The following ZNF568 variants were observed in gnomAD, a reference collection of about 807,000 sequenced individuals.
ZNF568 encodes the protein zinc finger protein 568.
ZNF568 carries 11 observed loss-of-function variants against 18.1 expected under a neutral mutation model. The ratio of observed to expected loss-of-function variants is 0.61; its 90% CI spans 0.38 to 1.00. ZNF568 has a LOEUF of 1.00. Among genes scored for constraint, ZNF568 ranks in the 50% least tolerant of loss-of-function variants. The pLI, the probability that ZNF568 is intolerant of heterozygous loss-of-function variation, is 0.01. For synonymous variants in ZNF568, 213 were observed against 246.6 expected, an observed-to-expected ratio of 0.86 and a Z score of 1.28; for missense variants, 639 against 768.2, an observed-to-expected ratio of 0.83 and a Z score of 1.99.
intron 6 of ZNF568, among the ~76,000 whole-genome samples, chr19:36,974,192 AGGCTGTTAT>A (rs541207815): frequency 1.2e-3 from 183 of 152,150 alleles, no homozygotes; most frequent in African/African-American, 4.3e-3. Flanking sequence ...TTCCCAAGTT[AGGCTGTTAT>A]GGAGGAAGAG....
chr19:36,925,274 T>G lies in ZNF568; in HGVS notation c.135+16T>G, dbSNP rs1462217008. 8.7e-6 allele frequency: 14 copies of G among 1,612,670 alleles called. No homozygotes were observed. Among genetic ancestry groups the G allele is most frequent in the Non-Finnish European group, 1.2e-5 (14 of 1,178,838 alleles). On this transcript the variant is annotated intron_variant, in intron 4 of 6. Transcript: ENST00000333987. ...CAGGCCTCTTGTACGTCTTAAGCATTTATTTGTTTCCTGCATTATTTTGCA... is the reference window on the plus strand; with the variant it reads ...CAGGCCTCTTGTACGTCTTAAGCATGTATTTGTTTCCTGCATTATTTTGCA...
At chr19:36,943,550 G>A (rs920127043) in intron 6 of ZNF568, among the ~76,000 whole-genome samples, 5 of 151,776 alleles carry the variant, frequency 3.3e-5, no homozygotes, top group African/African-American at 1.2e-4. Context: ...ATATATTATA[G>A]GCATATAAAT....
downstream of ZNF568, among the ~76,000 whole-genome samples, chr19:36,956,180 C>T (rs1164059924): frequency 6.6e-6 from 1 of 152,216 alleles, no homozygotes; most frequent in African/African-American, 2.4e-5. Context: ...ATGCCTCAGA[C>T]TTTTCAAGAT....
intron 6 of ZNF568, among the ~76,000 whole-genome samples, chr19:36,965,498 C>T (rs1036703198): frequency 3.9e-5 from 6 of 152,276 alleles, no homozygotes; most frequent in Non-Finnish European, 8.8e-5. Context: ...ACCAGCTAGC[C>T]ACCTTATAGA....
At chr19:36,933,148 T>TC (rs1344210303) in intron 4 of ZNF568, among the ~76,000 whole-genome samples, 2 of 151,508 alleles carry the variant, frequency 1.3e-5, no homozygotes, top group Admixed American at 1.3e-4. Context: ...TGAGACCTTT[T>TC]TTTTTTTTTT....
chr19:36,926,438 G>A (rs891085994), intron 4 of ZNF568, among the ~76,000 whole-genome samples: 1 of 152,042 alleles, frequency 6.6e-6, no homozygotes, highest in East Asian at 1.9e-4. Flanking sequence ...TCTGGCCCTC[G>A]ACAGGCTTGA....
At chr19:36,973,310 G>C (rs3816387) in intron 6 of ZNF568, 30 of 153,098 alleles carry the variant, frequency 2.0e-4, no homozygotes, top group African/African-American at 7.0e-4. Context: ...GAAGGGGGCG[G>C]TGAGGCGTCC....
chr19:36,988,081 C>T (rs536000085), intron 2 of ZNF568, among the ~76,000 whole-genome samples: 1 of 151,416 alleles, frequency 6.6e-6, no homozygotes, highest in Admixed American at 6.6e-5. Flanking sequence ...TAGTATGTCT[C>T]CTCTCCTTCA....
At chr19:36,973,039 G>A (rs1364182298) in intron 6 of ZNF568, among the ~76,000 whole-genome samples, 1 of 152,244 alleles carries the variant, frequency 6.6e-6, no homozygotes, top group African/African-American at 2.4e-5. Flanking sequence ...GTGCAGCTGG[G>A]CAGTCTGGCC....
downstream of ZNF568, among the ~76,000 whole-genome samples, chr19:36,982,115 G>A (rs563616537): frequency 2.0e-5 from 3 of 152,180 alleles, no homozygotes; most frequent in African/African-American, 7.2e-5. Flanking sequence ...CTTTTTGGTT[G>A]TAAATAATTG....
intron 6 of ZNF568, among the ~76,000 whole-genome samples, chr19:36,946,529 G>A (rs1024239818): frequency 1.3e-5 from 2 of 150,742 alleles, no homozygotes; most frequent in African/African-American, 4.9e-5. Flanking sequence ...GGAATCCATC[G>A]TTGTTATTAG....
intron 3 of ZNF568, among the ~76,000 whole-genome samples, 164 bp from the exon 4 acceptor site, chr19:36,925,036 A>G (rs2073528827): frequency 6.6e-6 from 1 of 152,128 alleles, no homozygotes; most frequent in South Asian, 2.1e-4. Context: ...TAAATTAGCC[A>G]TCTGTGTCCA....
rs552156196 is a variant in ZNF568, at chr19:36,952,022, C to T, written c.*934C>T. The T allele has an allele frequency of 5.4e-5, 44 of 808,464 alleles. No individual in the cohort carries two copies. The Admixed American group carries it at 1.0e-3, about 19-fold the overall frequency. 50.1% of individuals were successfully genotyped at this position (808,464 alleles called of 1,614,324 possible). A position where few individuals can be genotyped will look rare whatever the true frequency, so the allele number is the denominator to read the frequency against. On this transcript the variant is annotated 3_prime_UTR_variant, in exon 7 of 7. Transcript: ENST00000333987. Reference sequence around the variant, plus strand: ...AGAAAATAGATGATATTGTCTATGACGTTGAGGCCAAGGAGCTTTTTTTTT... The same window carrying T: ...AGAAAATAGATGATATTGTCTATGATGTTGAGGCCAAGGAGCTTTTTTTTT...
At chr19:36,985,879 C>T (rs537569789) in intron 2 of ZNF568, among the ~76,000 whole-genome samples, 2 of 152,058 alleles carry the variant, frequency 1.3e-5, no homozygotes, top group South Asian at 4.1e-4. Flanking sequence ...ATATAGTTAA[C>T]CATTTTCAAG....
At position 36,997,049 on chromosome 19, in the gene ZNF568, G is replaced by C. The variant is rs768104827; in HGVS notation, c.962G>C (p.Cys321Ser). 2.1e-5 allele frequency: 33 copies of C among 1,565,322 alleles called. No homozygotes were observed. In the African/African-American group the frequency reaches 4.1e-4, roughly 19 times the overall value. The change falls in exon 5 of 5, where the codon TGT becomes TCT. Residue 321 changes from cysteine (C) to serine (S), a missense_variant. Transcript: ENST00000433993. ...CATACGGGTGAGAAACCCCATAAAT[G>C]TAAGGAATGTGGAAAGGCTTTTCGT...
chr19:36,947,599 C>T (rs1372396462), intron 6 of ZNF568, among the ~76,000 whole-genome samples: 2 of 152,086 alleles, frequency 1.3e-5, no homozygotes, highest in African/African-American at 2.4e-5. Context: ...ATAACTCTTG[C>T]CTTGGTGTGT....
intron 2 of ZNF568, among the ~76,000 whole-genome samples, chr19:36,989,117 C>T (rs951615400): frequency 1.3e-5 from 2 of 152,136 alleles, no homozygotes; most frequent in African/African-American, 4.8e-5. Flanking sequence ...TTCTTGGCTT[C>T]CCCAGGGACT....
At chr19:36,960,851 TA>T in intron 6 of ZNF568, among the ~76,000 whole-genome samples, 1 of 152,332 alleles carries the variant, frequency 6.6e-6, no homozygotes, top group East Asian at 1.9e-4. Context: ...CTCTTGGTGT[TA>T]ATCTCTAGTT....
chr19:36,922,101 C>T (rs1333497409), intron 2 of ZNF568, among the ~76,000 whole-genome samples: 1 of 152,120 alleles, frequency 6.6e-6, no homozygotes, highest in Non-Finnish European at 1.5e-5. Flanking sequence ...GCTTAAACAA[C>T]AATAAACATT....
Sources: gnomAD v4.1 joint callset for allele counts (sites outside exome capture counted in the v4.1 genomes callset) on GRCh38, gnomAD v4.1.1 for gene constraint, MANE v1.5 for transcripts, NCBI Gene and HGNC (gene_info 2026-07-23, HGNC 2026-07-21) for gene names.